Variants in POU5F1B observed in about 807,000 individuals in gnomAD.
POU5F1B encodes the protein POU class 5 homeobox 1B.
In POU5F1B, 24 loss-of-function variants were observed where a neutral mutation model predicts 28.1. The ratio of observed to expected loss-of-function variants is 0.85; its 90% CI spans 0.62 to 1.20. The LOEUF is 1.20. Among genes scored for constraint, POU5F1B ranks in the 50% most tolerant of loss-of-function variants. POU5F1B has a pLI of 0.00. For missense variants in POU5F1B, 451 were observed against 451.5 expected (o/e 1.00, Z 0.01); for synonymous variants, 220 against 193.2 (o/e 1.14, Z -1.15).
chr8:127,416,704 C>G, exon 3 of POU5F1B: 1 of 1,608,866 alleles, frequency 6.2e-7, no homozygotes, highest in Non-Finnish European at 8.5e-7. Context: ...GTTCTGTAAC[C>G]GGCGCCAGAA....
chr8:127,413,541 A>G (rs1815090477), intron 1 of POU5F1B, among the ~76,000 whole-genome samples: 1 of 152,228 alleles, frequency 6.6e-6, no homozygotes, highest in African/African-American at 2.4e-5. Context: ...AGACTTAGTT[A>G]GCGGATTCAC....
At chr8:127,416,507 A>G (rs529522221) in exon 3 of POU5F1B, 3 of 1,609,300 alleles carry the variant, frequency 1.9e-6, no homozygotes, top group Non-Finnish European at 2.5e-6. Context: ...GCTGACAACA[A>G]TGAAAATCTT....
At chr8:127,417,001 G>A in exon 3 of POU5F1B, 3 of 1,566,282 alleles carry the variant, frequency 1.9e-6, no homozygotes, top group South Asian at 2.4e-5. Context: ...TAGGGAAAGA[G>A]AACCTGGAGT....
rs750836510 is a variant in POU5F1B, at chr8:127,415,947, G to A, written c.81G>A (p.Pro27=). ...GTGATGGGCCATGGGGGGCGGAGCCGGGCTGGGTTGATCCTCTGACCTGGC... is the reference window on the plus strand; with the variant it reads ...GTGATGGGCCATGGGGGGCGGAGCCAGGCTGGGTTGATCCTCTGACCTGGC... Residue 27 remains proline (P), a synonymous_variant, in exon 3 of 3, where the codon CCG becomes CCA. Transcript: ENST00000465342. 59 of 1,567,198 alleles carry A rather than the reference G, an allele frequency of 3.8e-5. No homozygotes were observed. The Admixed American group carries it at 7.0e-4, about 18-fold the overall frequency.
exon 3 of POU5F1B, chr8:127,417,092 T>C: frequency 8.7e-7 from 1 of 1,143,872 alleles, no homozygotes; most frequent in South Asian, 1.6e-5. Context: ...CAGGGGAGTT[T>C]GGGGCAACTG....
In POU5F1B at chr8:127,416,584, C is replaced by T. The variant is rs538376803; in HGVS notation, c.718C>T (p.Arg240Ter). 1.3e-5 allele frequency: 21 copies of T among 1,603,154 alleles called. No individual in the cohort carries two copies. Among genetic ancestry groups the T allele is most frequent in the Non-Finnish European group, 1.6e-5 (19 of 1,174,198 alleles). Residue 240 changes from arginine to a stop codon, truncating the protein, a stop_gained, in exon 3 of 3, where the codon CGA becomes TGA. Coordinates refer to ENST00000465342, the Ensembl canonical transcript of POU5F1B. LOFTEE classifies it high-confidence loss of function. ...GAGAAAGCGAACCAGTATCGAGAAC[C>T]GAGTGAGAGGCAACCTGGAGAATTT... is the stretch of plus-strand genomic sequence containing the variant.
exon 3 of POU5F1B, chr8:127,416,468 G>A (rs767382393): frequency 1.9e-6 from 3 of 1,609,112 alleles, no homozygotes; most frequent in African/African-American, 1.3e-5. Context: ...TGTAAGCTGC[G>A]GCCCTTGCTG....
exon 3 of POU5F1B, chr8:127,417,211 G>GACAGA: frequency 3.4e-6 from 1 of 291,050 alleles, no homozygotes; most frequent in Admixed American, 5.0e-5. Context: ...AAAAAAAAAA[G>GACAGA]AAAGAAAAGA....
At chr8:127,416,161 G>A in exon 3 of POU5F1B, 1 of 1,613,856 alleles carries the variant, frequency 6.2e-7, no homozygotes, top group Middle Eastern at 1.7e-4. Flanking sequence ...TGAGAGCGAA[G>A]CAGGAGTCGG....
exon 3 of POU5F1B, chr8:127,416,925 C>G: frequency 6.2e-7 from 1 of 1,601,366 alleles, no homozygotes; most frequent in Non-Finnish European, 8.5e-7. Flanking sequence ...TCACTCTGGG[C>G]TCTCCCATGC....
exon 3 of POU5F1B, chr8:127,415,689 G>A: frequency 9.8e-7 from 1 of 1,017,646 alleles, no homozygotes. Flanking sequence ...ATGATTTAAA[G>A]AGATTACTTT....
Position 127,415,818 on chromosome 8 carries a change from A to G in POU5F1B, c.-49A>G, listed in dbSNP as rs759320436. The stretch of plus-strand genomic sequence containing the variant: ...CACAGAGCTTTCAATGAAAAGTAAC[A>G]TAATTGCTCATTTCACCAGGCCCCC... On this transcript the variant is annotated 5_prime_UTR_variant, in exon 3 of 3. Coordinates refer to ENST00000465342, the Ensembl canonical transcript of POU5F1B. 5.4e-6 allele frequency: 8 copies of G among 1,470,058 alleles called. No individual in the cohort carries two copies. The South Asian group carries it at 1.1e-4, about 21-fold the overall frequency. 91.1% of individuals were successfully genotyped at this position (1,470,058 alleles called of 1,614,324 possible).
At chr8:127,416,546 T>C (rs1314513684) in exon 3 of POU5F1B, 2 of 1,608,218 alleles carry the variant, frequency 1.2e-6, no homozygotes, top group African/African-American at 1.3e-5. Flanking sequence ...GAAACCCTCA[T>C]GCAGGCCCGA....
chr8:127,416,216 T>TC lies in POU5F1B; in HGVS notation c.356dup (p.Gly120TrpfsTer69). On this transcript the variant is annotated frameshift_variant, in exon 3 of 3. Coordinates refer to ENST00000465342, the Ensembl canonical transcript of POU5F1B. LOFTEE classifies it high-confidence loss of function. The stretch of plus-strand genomic sequence containing the variant: ...GGGGCCTCCCCGGAACCCTGCACCG[T>TC]CCCCCCTGGTGCCGTGAAGCTGGAG... 3.1e-6 allele frequency: 5 copies of TC among 1,613,474 alleles called. No homozygotes were observed. The highest frequency in any genetic ancestry group is 4.2e-6 in the Non-Finnish European group (5 of 1,179,720).
chr8:127,416,796 CTTTCCTCCGGCCCCAGGGCCCCA>C lies in POU5F1B; in HGVS notation c.934_956del (p.Pro312TrpfsTer21). ...CTCCTTTCTCAGGGGGACCAGTGTC[CTTTCCTCCGGCCCCAGGGCCCCA>C]TTTTGGTACCCCAGGCTATGGGAGC... On this transcript the variant is annotated frameshift_variant, in exon 3 of 3. Transcript: ENST00000465342. LOFTEE classifies it high-confidence loss of function. 2 of 1,606,186 alleles carry C rather than the reference CTTTCCTCCGGCCCCAGGGCCCCA, an allele frequency of 1.2e-6. No individual in the cohort carries two copies. The highest frequency in any genetic ancestry group is 1.7e-6 in the Non-Finnish European group (2 of 1,176,258).
At chr8:127,415,526 G>A (rs1008932347) in exon 3 of POU5F1B, 1 of 268,234 alleles carries the variant, frequency 3.7e-6, no homozygotes, top group African/African-American at 2.2e-5. Flanking sequence ...TAGCATCATG[G>A]TATGGCAGAA....
At chr8:127,414,545 G>A (rs1282206657) in intron 1 of POU5F1B, among the ~76,000 whole-genome samples, 2 of 152,140 alleles carry the variant, frequency 1.3e-5, no homozygotes, top group Non-Finnish European at 1.5e-5. Context: ...TCATTTTATG[G>A]TTGAGAAACA....
chr8:127,415,377 T>A (rs1464104989), intron 2 of POU5F1B: 1 of 154,218 alleles, frequency 6.5e-6, no homozygotes, highest in Non-Finnish European at 1.4e-5. Context: ...GTCAGGGAAT[T>A]TCTTTGGTTG....
chr8:127,414,061 G>A (rs1354003173), intron 1 of POU5F1B, among the ~76,000 whole-genome samples: 1 of 152,190 alleles, frequency 6.6e-6, no homozygotes, highest in South Asian at 2.1e-4. Context: ...TTATTACCCT[G>A]AGAAAGGGGA....
Sources: allele counts gnomAD v4.1 joint callset (sites outside exome capture counted in the v4.1 genomes callset), GRCh38; gene constraint gnomAD v4.1.1; transcripts MANE v1.5; gene names NCBI Gene and HGNC (gene_info 2026-07-23, HGNC 2026-07-21).